ANK3: variants seen among roughly 807,000 people sequenced by gnomAD.
ANK3 encodes the protein ankyrin 3, also known as ankyrin-3.
In ANK3, 57 loss-of-function variants were observed where a neutral mutation model predicts 370.9. The observed-to-expected ratio is 0.15, with a 90% CI of 0.12 to 0.19. The LOEUF is 0.19. Among genes scored for constraint, ANK3 ranks in the 10% least tolerant of loss-of-function variants. The pLI is 1.00. For synonymous variants in ANK3, 1,929 were observed against 1,946.3 expected (o/e 0.99, Z 0.23); for missense variants, 4,439 against 5,302.1 (o/e 0.84, Z 5.06).
Position 60,073,630 on chromosome 10 carries a change from G to C in ANK3, c.7251C>G (p.Ser2417=), listed in dbSNP as rs773708103. Residue 2417 remains serine (S), a synonymous_variant, in exon 37 of 44, where the codon TCC becomes TCG. Transcript: ENST00000280772. ...LESSRVNTPV[S]QEEDSRPSSA... ...AACTAGGGCGGCTATCTTCTTCTTGGGACACAGGAGTGTTTACTCTGGAAG... is the reference window on the plus strand; with the variant it reads ...AACTAGGGCGGCTATCTTCTTCTTGCGACACAGGAGTGTTTACTCTGGAAG... 3 of 1,613,758 alleles carry C rather than the reference G, an allele frequency of 1.9e-6. No individual in the cohort carries two copies. The highest frequency in any genetic ancestry group is 3.3e-5 in the Admixed American group (2 of 59,968).
At chr10:60,482,586 A>G (rs1157931970) in intron 2 of ANK3, among the ~76,000 whole-genome samples, 1 of 152,172 alleles carries the variant, frequency 6.6e-6, no homozygotes, top group East Asian at 1.9e-4. Flanking sequence ...TTGTGAGCTC[A>G]ATAGATCCTC....
At chr10:60,099,081 T>C (rs1449269630) in intron 28 of ANK3, among the ~76,000 whole-genome samples, 1 of 152,200 alleles carries the variant, frequency 6.6e-6, no homozygotes, top group East Asian at 1.9e-4. Flanking sequence ...ACCTTCAGTG[T>C]TGACATTTAA....
At chr10:60,129,707 C>A (rs1249961178) in intron 25 of ANK3, among the ~76,000 whole-genome samples, 1 of 151,804 alleles carries the variant, frequency 6.6e-6, no homozygotes, top group African/African-American at 2.4e-5. Context: ...GAGCTGAGAT[C>A]ACGACACTGC....
At chr10:60,248,037 A>G (rs1249891835) in intron 7 of ANK3, among the ~76,000 whole-genome samples, 1 of 152,208 alleles carries the variant, frequency 6.6e-6, no homozygotes, top group Non-Finnish European at 1.5e-5. Context: ...AGGCTGAGGA[A>G]TGTTCCAGTG....
chr10:60,719,698 T>C (rs1026249222), intron 1 of ANK3, among the ~76,000 whole-genome samples: 1 of 152,172 alleles, frequency 6.6e-6, no homozygotes, highest in African/African-American at 2.4e-5. Context: ...TTCTTCACAA[T>C]ATGTACAAGT....
At chr10:60,715,255 G>A (rs2079768654) in intron 1 of ANK3, among the ~76,000 whole-genome samples, 1 of 132,366 alleles carries the variant, frequency 7.6e-6, no homozygotes, top group Non-Finnish European at 1.7e-5. Flanking sequence ...GTATAAAATT[G>A]CTTTGTAAAG....
chr10:60,058,699 G>A (rs1490674967), intron 41 of ANK3, among the ~76,000 whole-genome samples: 1 of 152,112 alleles, frequency 6.6e-6, no homozygotes, highest in Non-Finnish European at 1.5e-5. Flanking sequence ...TATGTTTGCA[G>A]TTAGGAAAAA....
intron 1 of ANK3, among the ~76,000 whole-genome samples, chr10:60,356,949 T>C (rs2057845423): frequency 6.6e-6 from 1 of 152,162 alleles, no homozygotes; most frequent in Non-Finnish European, 1.5e-5. Context: ...CCTCAAGTGA[T>C]CCACCCGCCT....
chr10:60,318,237 C>G (rs761281692), intron 1 of ANK3, among the ~76,000 whole-genome samples: 1 of 152,130 alleles, frequency 6.6e-6, no homozygotes, highest in Non-Finnish European at 1.5e-5. Context: ...AGCTATTTAT[C>G]CTGATACTAG....
At chr10:60,700,161 A>G (rs1388014717) in intron 1 of ANK3, among the ~76,000 whole-genome samples, 1 of 152,118 alleles carries the variant, frequency 6.6e-6, no homozygotes, top group East Asian at 1.9e-4. Flanking sequence ...TTGCTTCCTA[A>G]AGATACATGC....
At chr10:60,279,299 A>C in intron 2 of ANK3, 151 bp from the exon 3 acceptor site, 5 of 742,114 alleles carry the variant, frequency 6.7e-6, no homozygotes, top group South Asian at 5.3e-5. Context: ...TTAGGAATCA[A>C]AGTACTTCAA....
intron 42 of ANK3, among the ~76,000 whole-genome samples, chr10:60,051,283 C>T (rs1261102397): frequency 6.6e-6 from 1 of 152,094 alleles, no homozygotes; most frequent in African/African-American, 2.4e-5. Context: ...TACAGAATAC[C>T]ATGCAACATG....
At chr10:60,112,492 A>C (rs1313331422) in intron 26 of ANK3, among the ~76,000 whole-genome samples, 1 of 152,218 alleles carries the variant, frequency 6.6e-6, no homozygotes, top group African/African-American at 2.4e-5. Context: ...ACTAACTCAA[A>C]AGCCACCATA....
At chr10:60,430,162 AC>A (rs751954819) in intron 2 of ANK3, among the ~76,000 whole-genome samples, 1 of 152,202 alleles carries the variant, frequency 6.6e-6, no homozygotes, top group Admixed American at 6.5e-5. Flanking sequence ...TTTAACTAGC[AC>A]CAGTGTGGTA....
At chr10:60,115,669 AC>A (rs2132117112) in intron 25 of ANK3, among the ~76,000 whole-genome samples, 1 of 152,318 alleles carries the variant, frequency 6.6e-6, no homozygotes, top group Admixed American at 6.5e-5. Flanking sequence ...AGTGCTAAAT[AC>A]AATGTCAGTT....
chr10:60,432,920 G>A (rs571272692), intron 2 of ANK3, among the ~76,000 whole-genome samples: 32 of 152,092 alleles, frequency 2.1e-4, no homozygotes, highest in African/African-American at 6.7e-4. Flanking sequence ...TCCTGTTCCC[G>A]CATCAGCCCA....
At position 60,083,735 on chromosome 10, in the gene ANK3, GC is replaced by G. The variant is rs1284685412; in HGVS notation, c.4075-119del. Reference sequence around the variant, plus strand: ...ACTATGTTACACGTGTCTCTATTAGGCAGTTACTTCTGTGGTGCTATTTGCA... The same window carrying G: ...ACTATGTTACACGTGTCTCTATTAGGAGTTACTTCTGTGGTGCTATTTGCA... On this transcript the variant is annotated intron_variant, in intron 32 of 43. Transcript: ENST00000280772. 7.2e-6 allele frequency: 6 copies of G among 835,300 alleles called. No individual in the cohort carries two copies. In the East Asian group the frequency reaches 1.6e-4, roughly 23 times the overall value. The allele number at this position is 835,300 out of a possible 1,614,324, so 51.7% of individuals were successfully genotyped here.
intron 2 of ANK3, among the ~76,000 whole-genome samples, chr10:60,467,467 G>A (rs914167334): frequency 2.0e-5 from 3 of 152,104 alleles, no homozygotes; most frequent in Admixed American, 1.3e-4. Flanking sequence ...AAAGAAGTAA[G>A]GCTCCATTCT....
intron 42 of ANK3, chr10:60,043,350 A>G (rs2076434559): frequency 1.0e-6 from 1 of 984,888 alleles, no homozygotes; most frequent in African/African-American, 1.7e-5. Context: ...AGCCTTTTCA[A>G]TTTTGTGATT....
Sources: allele counts gnomAD v4.1 joint callset (sites outside exome capture counted in the v4.1 genomes callset), GRCh38; gene constraint gnomAD v4.1.1; transcripts MANE v1.5; gene names NCBI Gene and HGNC (gene_info 2026-07-23, HGNC 2026-07-21).